Variants in CTDSPL observed in about 807,000 individuals in gnomAD.
CTDSPL encodes the protein CTD small phosphatase like.
Under a neutral mutation model 30.5 loss-of-function variants are expected in CTDSPL, and 8 were observed. The observed-to-expected ratio is 0.26, with a 90% CI of 0.15 to 0.47. The LOEUF is 0.47. CTDSPL is among the 20% of genes least tolerant of loss of function. The probability of loss-of-function intolerance (pLI) is 0.99; values close to 1 mark genes in which losing one functional copy is unlikely to be tolerated. For synonymous variants in CTDSPL, 110 were observed against 137.9 expected (o/e 0.80, Z 1.42); for missense variants, 248 against 366.1 (o/e 0.68, Z 2.63).
chr3:37,950,323 C>G (rs952168702), intron 2 of CTDSPL, among the ~76,000 whole-genome samples: 12 of 152,140 alleles, frequency 7.9e-5, no homozygotes, highest in African/African-American at 2.9e-4. Context: ...GCAGCCTCCA[C>G]TGAGAAAGTC....
intron 3 of CTDSPL, among the ~76,000 whole-genome samples, chr3:37,961,150 G>T (rs1036215652): frequency 6.6e-6 from 1 of 151,920 alleles, no homozygotes; most frequent in Non-Finnish European, 1.5e-5. Context: ...TTTCCAAGTG[G>T]CTACTCAGTT....
chr3:37,972,037 C>G (rs745490104), intron 6 of CTDSPL, among the ~76,000 whole-genome samples: 2 of 152,158 alleles, frequency 1.3e-5, no homozygotes, highest in Admixed American at 1.3e-4. Context: ...TTCCAGCTAC[C>G]TTGTGGCTAG....
chr3:37,981,727 G>T lies in CTDSPL; in HGVS notation c.*860G>T. The T allele has an allele frequency of 1.2e-5, 5 of 414,868 alleles. No individual in the cohort carries two copies. The highest frequency in any genetic ancestry group is 5.3e-5 in the Admixed American group (2 of 37,520). The allele number at this position is 414,868 out of a possible 1,614,324, so 25.7% of individuals were successfully genotyped here. A position where few individuals can be genotyped will look rare whatever the true frequency, so the allele number is the denominator to read the frequency against. ...CTACTGCCATACATTTGTGTTTTTT[G>T]TTGTTATTGTTTGGGTAGAGCAGTT... On this transcript the variant is annotated 3_prime_UTR_variant, in exon 8 of 8. Transcript: ENST00000273179.
intron 1 of CTDSPL, among the ~76,000 whole-genome samples, chr3:37,946,845 C>A (rs1699044727): frequency 6.6e-6 from 1 of 152,158 alleles, no homozygotes; most frequent in Non-Finnish European, 1.5e-5. Context: ...AGGGATTGGA[C>A]TCCATCAACT....
intron 1 of CTDSPL, among the ~76,000 whole-genome samples, chr3:37,911,251 G>A (rs998417445): frequency 6.6e-6 from 1 of 152,218 alleles, no homozygotes; most frequent in Non-Finnish European, 1.5e-5. Flanking sequence ...CTTTTCCACA[G>A]AGTGGTGGTT....
intron 1 of CTDSPL, among the ~76,000 whole-genome samples, chr3:37,894,640 G>GT (rs889377253): frequency 6.6e-6 from 1 of 152,090 alleles, no homozygotes; most frequent in African/African-American, 2.4e-5. Flanking sequence ...AAAAAAATAT[G>GT]TTTTTTCTGT....
chr3:37,966,875 C>T lies in CTDSPL; in HGVS notation c.370-951C>T, dbSNP rs535690564. Reference sequence around the variant, plus strand: ...ACACACCTTCTCCTTCCTTCTGTCTCTCTTCTCTTGTCCAGGGGTTTGCAG... The same window carrying T: ...ACACACCTTCTCCTTCCTTCTGTCTTTCTTCTCTTGTCCAGGGGTTTGCAG... On this transcript the variant is annotated intron_variant, in intron 4 of 7. Transcript: ENST00000273179. Among the ~76,000 whole-genome samples, 8 of 152,308 alleles carry T rather than the reference C, an allele frequency of 5.3e-5. 1 individual carries two copies. In the South Asian group the frequency reaches 1.4e-3, roughly 28 times the overall value.
At position 37,957,803 on chromosome 3, in the gene CTDSPL, G is replaced by A. The variant is rs7355937; in HGVS notation, c.267+660G>A. Among the ~76,000 whole-genome samples the A allele has an allele frequency of 3.9e-3, 588 of 152,252 alleles. 1 individual carries two copies. The highest frequency in any genetic ancestry group is 0.013 in the African/African-American group (554 of 41,546). On this transcript the variant is annotated intron_variant, in intron 3 of 7. Transcript: ENST00000273179. ...TGCACCAGCCACCCCTCAGCCATCC[G>A]CTGTCCTGGCTGTCCCTTCTCTTCC...
chr3:37,873,155 C>T (rs1415732127), intron 1 of CTDSPL, among the ~76,000 whole-genome samples: 1 of 152,194 alleles, frequency 6.6e-6, no homozygotes, highest in African/African-American at 2.4e-5. Flanking sequence ...CCACCTTTAA[C>T]ACCACTCCAG....
chr3:37,974,166 T>C (rs1180415506), intron 6 of CTDSPL, among the ~76,000 whole-genome samples: 2 of 152,222 alleles, frequency 1.3e-5, no homozygotes, highest in Non-Finnish European at 2.9e-5. Context: ...TGATCTGGAC[T>C]CAGTTGCCTA....
In CTDSPL at chr3:37,874,715, C is replaced by T. The variant is rs187371480; in HGVS notation, c.79+12437C>T. Among the ~76,000 whole-genome samples, 208 of 151,886 alleles carry T rather than the reference C, an allele frequency of 1.4e-3. 1 individual carries two copies. The East Asian group carries it at 0.029, about 22-fold the overall frequency. On this transcript the variant is annotated intron_variant, in intron 1 of 7. Transcript: ENST00000273179. ...ACTGCACTCTAGCCTGGCGACAGAG[C>T]GAGACTCTGTCTCAAAAAATAATAA...
At chr3:37,888,659 C>A (rs539865402) in intron 1 of CTDSPL, among the ~76,000 whole-genome samples, 2 of 152,172 alleles carry the variant, frequency 1.3e-5, no homozygotes, top group African/African-American at 4.8e-5. Flanking sequence ...ACATAGATTG[C>A]GTAGTATTTA....
At chr3:37,956,061 G>A (rs1358954735) in intron 2 of CTDSPL, among the ~76,000 whole-genome samples, 3 of 152,188 alleles carry the variant, frequency 2.0e-5, no homozygotes, top group Non-Finnish European at 4.4e-5. Flanking sequence ...AAATCCTTAA[G>A]ACAAGCCGGA....
intron 1 of CTDSPL, among the ~76,000 whole-genome samples, chr3:37,870,593 C>T (rs544303964): frequency 5.6e-4 from 85 of 152,014 alleles, no homozygotes; most frequent in African/African-American, 2.0e-3. Context: ...TCCTTACTTC[C>T]GCTTTATTTG....
chr3:37,909,814 ATTGCTTGTAATT>A (rs1477557141), intron 1 of CTDSPL, among the ~76,000 whole-genome samples: 1 of 152,230 alleles, frequency 6.6e-6, no homozygotes, highest in Non-Finnish European at 1.5e-5. Flanking sequence ...GCGAGTCACT[ATTGCTTGTAATT>A]CAGGATTGTG....
At chr3:37,950,651 A>T (rs535794041) in intron 2 of CTDSPL, among the ~76,000 whole-genome samples, 3 of 152,206 alleles carry the variant, frequency 2.0e-5, no homozygotes, top group African/African-American at 7.2e-5. Flanking sequence ...AGTTCTAGAA[A>T]GAGAAAAAGT....
intron 1 of CTDSPL, among the ~76,000 whole-genome samples, chr3:37,900,074 C>T (rs1698431959): frequency 6.6e-6 from 1 of 152,156 alleles, no homozygotes; most frequent in African/African-American, 2.4e-5. Context: ...GAAATATTGC[C>T]TCCCATGAAA....
At chr3:37,916,648 G>C (rs1698653049) in intron 1 of CTDSPL, among the ~76,000 whole-genome samples, 1 of 152,204 alleles carries the variant, frequency 6.6e-6, no homozygotes, top group African/African-American at 2.4e-5. Flanking sequence ...AGGCAAGGAA[G>C]AGGCATGGCC....
intron 2 of CTDSPL, 78 bp from the exon 3 acceptor site, chr3:37,957,033 A>G: frequency 2.6e-6 from 3 of 1,175,440 alleles, no homozygotes; most frequent in Non-Finnish European, 1.3e-6. Flanking sequence ...GCTGTGCTCA[A>G]GAGGGCTTTG....
Sources: allele counts gnomAD v4.1 joint callset (sites outside exome capture counted in the v4.1 genomes callset), GRCh38; gene constraint gnomAD v4.1.1; transcripts MANE v1.5; gene names NCBI Gene and HGNC (gene_info 2026-07-23, HGNC 2026-07-21).